The following ATF7IP variants were observed in gnomAD, a reference collection of about 807,000 sequenced individuals.
ATF7IP encodes the protein activating transcription factor 7 interacting protein.
A neutral mutation model predicts 106.4 loss-of-function variants in ATF7IP; 23 were observed. That is an observed-to-expected ratio of 0.22 (90% CI 0.16 to 0.31). The LOEUF (loss-of-function observed/expected upper bound fraction) is 0.31, where lower values mean the gene tolerates loss of function less well. Among genes scored for constraint, ATF7IP ranks in the 10% least tolerant of loss-of-function variants. The pLI is 1.00. For synonymous variants in ATF7IP, 542 were observed against 539.0 expected, an observed-to-expected ratio of 1.01 and a Z score of -0.08; for missense variants, 1,334 against 1,524.3, an observed-to-expected ratio of 0.88 and a Z score of 2.08.
chr12:14,497,568 G>C, intron 14 of ATF7IP, 86 bp from the exon 15 acceptor site: 1 of 1,296,092 alleles, frequency 7.7e-7, no homozygotes, highest in Admixed American at 2.5e-5. Flanking sequence ...ATACTTCTAC[G>C]TATGTTCTCT....
chr12:14,473,306 G>A (rs1201213994), intron 10 of ATF7IP, among the ~76,000 whole-genome samples: 8 of 151,522 alleles, frequency 5.3e-5, no homozygotes, highest in Non-Finnish European at 1.0e-4. Flanking sequence ...GTGTGTGTGT[G>A]TGTGTGTGTG....
rs190113984 is a variant in ATF7IP at position 14,436,675 on chromosome 12, G to C, written c.1791+424G>C. On this transcript the variant is annotated intron_variant, in intron 4 of 14. Coordinates refer to ENST00000261168, the MANE Select transcript of ATF7IP (RefSeq NM_018179.5). Reference sequence around the variant, plus strand: ...CCACTTCACTCCAGCCTGGGTGACAGAGCAAGACTCCATCTCAAAAAAATA... The same window carrying C: ...CCACTTCACTCCAGCCTGGGTGACACAGCAAGACTCCATCTCAAAAAAATA... Among the ~76,000 whole-genome samples, 8 of 152,192 alleles carry C rather than the reference G, an allele frequency of 5.3e-5. No homozygotes were observed. In the East Asian group the frequency reaches 1.4e-3, roughly 26 times the overall value.
chr12:14,465,766 C>T (rs958226906), intron 9 of ATF7IP, among the ~76,000 whole-genome samples: 1 of 151,936 alleles, frequency 6.6e-6, no homozygotes, highest in African/African-American at 2.4e-5. Flanking sequence ...ATTGTTTACT[C>T]TGTATGCATT....
chr12:14,396,196 C>G (rs529974873), intron 1 of ATF7IP, among the ~76,000 whole-genome samples: 2 of 152,068 alleles, frequency 1.3e-5, no homozygotes, highest in African/African-American at 2.4e-5. Context: ...AAAGGAATTA[C>G]GTCAGGCAGC....
intron 9 of ATF7IP, among the ~76,000 whole-genome samples, chr12:14,464,249 C>T (rs549995026): frequency 6.6e-6 from 1 of 152,298 alleles, no homozygotes; most frequent in African/African-American, 2.4e-5. Context: ...TGCTTGAACC[C>T]AGGAGGTCAA....
intron 2 of ATF7IP, among the ~76,000 whole-genome samples, chr12:14,429,682 T>C (rs1468509602): frequency 6.6e-6 from 1 of 152,214 alleles, no homozygotes; most frequent in African/African-American, 2.4e-5. Context: ...TTGGCATGAT[T>C]TAGTCAATTT....
intron 6 of ATF7IP, among the ~76,000 whole-genome samples, chr12:14,447,972 G>A (rs1182427796): frequency 6.6e-6 from 1 of 151,892 alleles, no homozygotes; most frequent in Non-Finnish European, 1.5e-5. Flanking sequence ...CCACTCTTCT[G>A]TTATTTCCTT....
chr12:14,495,033 A>G (rs1944970249), intron 13 of ATF7IP, among the ~76,000 whole-genome samples: 1 of 152,078 alleles, frequency 6.6e-6, no homozygotes, highest in African/African-American at 2.4e-5. Flanking sequence ...CTTGGAGGCC[A>G]ATGTTCCAGG....
intron 6 of ATF7IP, among the ~76,000 whole-genome samples, chr12:14,449,640 A>G (rs984288905): frequency 2.8e-5 from 4 of 140,762 alleles, no homozygotes; most frequent in East Asian, 2.1e-4. Context: ...AAAACCTCCA[A>G]CTTTGTTCTT....
chr12:14,487,477 T>C (rs1029236056), intron 13 of ATF7IP, among the ~76,000 whole-genome samples: 7 of 152,220 alleles, frequency 4.6e-5, no homozygotes, highest in Non-Finnish European at 2.9e-5. Flanking sequence ...AGGCCATCAC[T>C]GTTGCCTCAC....
intron 2 of ATF7IP, among the ~76,000 whole-genome samples, chr12:14,430,724 A>G (rs956195451): frequency 2.6e-5 from 4 of 152,212 alleles, no homozygotes; most frequent in Non-Finnish European, 4.4e-5. Context: ...GGAGCCAGTA[A>G]TCTAAATCAG....
At chr12:14,403,430 G>A (rs1940369814) in intron 1 of ATF7IP, among the ~76,000 whole-genome samples, 2 of 152,164 alleles carry the variant, frequency 1.3e-5, no homozygotes, top group African/African-American at 4.8e-5. Context: ...TGGCCTTAAT[G>A]ATCTAACATA....
At chr12:14,484,786 C>A (rs1390470507) in intron 13 of ATF7IP, among the ~76,000 whole-genome samples, 3 of 152,164 alleles carry the variant, frequency 2.0e-5, no homozygotes, top group African/African-American at 7.2e-5. Context: ...GCCTTCGGAA[C>A]CTGCTTGAGC....
intron 10 of ATF7IP, among the ~76,000 whole-genome samples, chr12:14,469,110 C>T (rs1943942776): frequency 6.6e-6 from 1 of 152,046 alleles, no homozygotes; most frequent in South Asian, 2.1e-4. Flanking sequence ...GTGGCTTACA[C>T]CTATAATCCC....
intron 1 of ATF7IP, among the ~76,000 whole-genome samples, chr12:14,414,905 C>T (rs752592636): frequency 1.9e-4 from 29 of 151,990 alleles, no homozygotes; most frequent in Admixed American, 3.9e-4. Context: ...GTGAAAAGTA[C>T]GTTTGGACAA....
intron 1 of ATF7IP, among the ~76,000 whole-genome samples, chr12:14,421,540 G>C (rs1266793214): frequency 6.6e-6 from 1 of 152,136 alleles, no homozygotes. Flanking sequence ...CTCCCAGTGT[G>C]CATGTCTGTC....
At chr12:14,368,803 G>A (rs1394467818) in intron 1 of ATF7IP, among the ~76,000 whole-genome samples, 1 of 151,970 alleles carries the variant, frequency 6.6e-6, no homozygotes, top group African/African-American at 2.4e-5. Flanking sequence ...GAGTGTTACT[G>A]TTTTTCTTAT....
intron 1 of ATF7IP, among the ~76,000 whole-genome samples, chr12:14,369,909 A>G (rs904146013): frequency 6.6e-6 from 1 of 151,640 alleles, no homozygotes; most frequent in African/African-American, 2.4e-5. Flanking sequence ...CCCTTGATAT[A>G]CACAATTTTA....
At chr12:14,444,152 C>T (rs1308511554) in intron 5 of ATF7IP, among the ~76,000 whole-genome samples, 1 of 152,160 alleles carries the variant, frequency 6.6e-6, no homozygotes, top group Non-Finnish European at 1.5e-5. Context: ...TGGAATATAA[C>T]ATTCCGTTGG....
Sources: allele counts gnomAD v4.1 joint callset (sites outside exome capture counted in the v4.1 genomes callset), GRCh38; gene constraint gnomAD v4.1.1; transcripts MANE v1.5; gene names NCBI Gene and HGNC (gene_info 2026-07-23, HGNC 2026-07-21).